ZNF541: variants seen among roughly 807,000 people sequenced by gnomAD.
ZNF541 encodes zinc finger protein 541.
In ZNF541, 23 loss-of-function variants were observed where a neutral mutation model predicts 123.5. That is an observed-to-expected ratio of 0.19 (90% CI 0.13 to 0.26). The LOEUF (loss-of-function observed/expected upper bound fraction) is 0.26, where lower values mean the gene tolerates loss of function less well. Ranked by LOEUF, ZNF541 falls within the 10% of genes least tolerant of loss-of-function variation. The pLI is 1.00. For missense variants in ZNF541, 1,612 were observed against 1,789.9 expected (o/e 0.90, Z 1.79); for synonymous variants, 751 against 754.5 (o/e 1.00, Z 0.08).
intron 2 of ZNF541, among the ~76,000 whole-genome samples, chr19:47,559,299 G>T (rs1970965823): frequency 6.6e-6 from 1 of 151,824 alleles, no homozygotes; most frequent in Non-Finnish European, 1.5e-5. Context: ...TTGAACCCGG[G>T]AAGCAGAGGT....
chr19:47,545,333 C>T lies in ZNF541; in HGVS notation c.1196G>A (p.Gly399Asp). ...SVPACLPLFR[G>D]QTVPASSQPS... ...CTGGGAACTGGCAGGGACCGTCTGG[C>T]CTCGGAAGAGAGGCAGGCAGGCAGG... The change falls in exon 5 of 17, where the codon GGC (glycine) becomes GAC (aspartate). Residue 399 changes from glycine (G) to aspartate (D), a missense_variant. Physicochemically the swap from Gly to Asp is moderately conservative, Grantham distance 94. Transcript: ENST00000391901. The surrounding 1 kb of genome is among the most constrained non-coding windows in gnomAD (Gnocchi z 7.5). The T allele has an allele frequency of 1.9e-6, 3 of 1,547,310 alleles. No individual in the cohort carries two copies. Among genetic ancestry groups the T allele is most frequent in the Non-Finnish European group, 2.6e-6 (3 of 1,145,686 alleles).
At chr19:47,543,541 C>T (rs1050538451) in intron 5 of ZNF541, among the ~76,000 whole-genome samples, 2 of 150,464 alleles carry the variant, frequency 1.3e-5, no homozygotes, top group Admixed American at 6.6e-5. Context: ...TCTGAAGATT[C>T]TAAAAAGGCA....
chr19:47,528,774 G>A (rs560415874), intron 14 of ZNF541, among the ~76,000 whole-genome samples, 176 bp downstream of exon 14: 1 of 152,264 alleles, frequency 6.6e-6, no homozygotes, highest in African/African-American at 2.4e-5. Flanking sequence ...ATGCAGGTCT[G>A]TACCATCTGG....
Position 47,540,897 on chromosome 19 carries a change from T to C in ZNF541, c.2458A>G (p.Arg820Gly). Residue 820 changes from arginine (R) to glycine (G), a missense_variant, in exon 6 of 17, where the codon AGA becomes GGA. By Grantham distance (125) the Arg-to-Gly change is moderately radical (BLOSUM62 -2). Around this residue, in one of 5 missense-constraint regions of ZNF541, gnomAD observed 1,080 missense variants for 1,013.8 expected, o/e 1.07. Transcript: ENST00000391901. ...HPVKEENVAG[R>G]GNQQNGSPTD... is the part of the protein sequence containing the mutation. Reference sequence around the variant, plus strand: ...ATCGGGGGCTTCTTAACTTACCCTCTGCCTGCCACATTCTCTTCCTTCACC... The same window carrying C: ...ATCGGGGGCTTCTTAACTTACCCTCCGCCTGCCACATTCTCTTCCTTCACC... The C allele has an allele frequency of 6.4e-7, 1 of 1,551,238 alleles. No homozygotes were observed. The highest frequency in any genetic ancestry group is 2.4e-5 in the East Asian group (1 of 40,916).
intron 14 of ZNF541, among the ~76,000 whole-genome samples, chr19:47,523,919 C>T (rs1969166031): frequency 6.6e-6 from 1 of 152,162 alleles, no homozygotes; most frequent in Non-Finnish European, 1.5e-5. Flanking sequence ...GACTGCCCAG[C>T]ACATGCATGG....
At chr19:47,567,539 C>T (rs183843444) in intron 2 of ZNF541, among the ~76,000 whole-genome samples, 5 of 152,360 alleles carry the variant, frequency 3.3e-5, no homozygotes, top group African/African-American at 9.6e-5. Context: ...GGATTACAGG[C>T]GTGCGCCACC....
intron 5 of ZNF541, among the ~76,000 whole-genome samples, chr19:47,543,467 A>G (rs1970168974): frequency 1.3e-5 from 2 of 152,102 alleles, no homozygotes; most frequent in African/African-American, 4.8e-5. Flanking sequence ...ACTCACAATC[A>G]GAAAACACAT....
chr19:47,545,370 C>T lies in ZNF541; in HGVS notation c.1159G>A (p.Gly387Ser), dbSNP rs910267663. ...GGCAGGCAGGCAGGCACGGAGCCGC[C>T]TTCGGGCCAGCACTCCGCGGTGGAC... Reference protein sequence around the residue: ...ARSTAECWPEGGSVPACLPLF... With the variant: ...ARSTAECWPESGSVPACLPLF... The change falls in exon 5 of 17, where the codon GGC (glycine) becomes AGC (serine). Residue 387 changes from glycine to serine, a missense_variant. Coordinates refer to ENST00000391901, the MANE Select transcript of ZNF541 (RefSeq NM_001277075.3). The surrounding 1 kb of genome is among the most constrained non-coding windows in gnomAD (Gnocchi z 7.5). The T allele has an allele frequency of 6.2e-5, 96 of 1,538,004 alleles. No homozygotes were observed. The highest frequency in any genetic ancestry group is 7.8e-5 in the Non-Finnish European group (89 of 1,140,308).
rs1177745973 is a variant in ZNF541 at position 47,549,446 on chromosome 19, T to G, written c.347A>C (p.Glu116Ala). The G allele has an allele frequency of 6.4e-7, 1 of 1,551,550 alleles. No individual in the cohort carries two copies. The highest frequency in any genetic ancestry group is 8.7e-7 in the Non-Finnish European group (1 of 1,146,988). The change falls in exon 4 of 17, where the codon GAA becomes GCA. Residue 116 changes from glutamate to alanine, a missense_variant. This residue lies in a region of ZNF541 where 212 missense variants were observed against 289.6 expected (regional missense o/e 0.73). Coordinates refer to ENST00000391901, the MANE Select transcript of ZNF541 (RefSeq NM_001277075.3). ...ACTCCCCGAGGTGGCCCTTCCTCCT[T>G]CGTCAGCCTCTTTAGCCTTAAGCAC... ...LGVLKAKEAD[E>A]GGRATSGSAR...
rs922450860 is a variant in ZNF541, at chr19:47,573,119, G to T, written c.-282C>A. Among the ~76,000 whole-genome samples, 3 of 149,750 alleles carry T rather than the reference G, an allele frequency of 2.0e-5. No homozygotes were observed. Among genetic ancestry groups the T allele is most frequent in the Non-Finnish European group, 3.0e-5 (2 of 67,234 alleles). ...GGCTCGCGCGCCGGGCCTCGCGCCT[G>T]GCGCCTCGCGGGGCTCCCAGCGGCC... On this transcript the variant is annotated 5_prime_UTR_variant, in exon 1 of 17. Coordinates refer to ENST00000391901, the MANE Select transcript of ZNF541 (RefSeq NM_001277075.3).
At chr19:47,528,057 G>A (rs1969384777) in intron 14 of ZNF541, among the ~76,000 whole-genome samples, 1 of 130,476 alleles carries the variant, frequency 7.7e-6, no homozygotes, top group Admixed American at 7.8e-5. Flanking sequence ...GCTCACGCCT[G>A]TAATCCCAGC....
chr19:47,533,545 T>TA (rs1018652814), intron 9 of ZNF541, among the ~76,000 whole-genome samples: 1 of 151,528 alleles, frequency 6.6e-6, no homozygotes, highest in Non-Finnish European at 1.5e-5. Flanking sequence ...AAATATTCAT[T>TA]AAAAAAAATC....
At chr19:47,558,874 A>G (rs1158112440) in intron 2 of ZNF541, among the ~76,000 whole-genome samples, 1 of 151,646 alleles carries the variant, frequency 6.6e-6, no homozygotes, top group Non-Finnish European at 1.5e-5. Context: ...CCTCCCGAGT[A>G]GCTGGGACTA....
At chr19:47,554,241 G>A (rs1970722008) in intron 3 of ZNF541, among the ~76,000 whole-genome samples, 1 of 152,100 alleles carries the variant, frequency 6.6e-6, no homozygotes, top group Non-Finnish European at 1.5e-5. Flanking sequence ...GACCAGACTG[G>A]GAAACATAGT....
At chr19:47,526,481 C>CAAAAAA (rs71180847) in intron 14 of ZNF541, among the ~76,000 whole-genome samples, 9 of 34,876 alleles carry the variant, frequency 2.6e-4, no homozygotes, top group African/African-American at 5.6e-4. Flanking sequence ...GACTCCATCT[C>CAAAAAA]AAAAAAAAAA....
In ZNF541 at chr19:47,539,898, G is replaced by T; in HGVS notation, c.2623-20C>A. The T allele has an allele frequency of 6.6e-7, 1 of 1,520,710 alleles. No homozygotes were observed. The highest frequency in any genetic ancestry group is 8.8e-7 in the Non-Finnish European group (1 of 1,139,788). The allele number at this position is 1,520,710 out of a possible 1,614,324, so 94.2% of individuals were successfully genotyped here. On this transcript the variant is annotated intron_variant, in intron 7 of 16. Transcript: ENST00000391901. ...AAACACCTAAACACAGAAGAGAAGAGATGGCTCTTTAAGAGATAAGGTAGG... is the reference window on the plus strand; with the variant it reads ...AAACACCTAAACACAGAAGAGAAGATATGGCTCTTTAAGAGATAAGGTAGG...
At chr19:47,537,001 T>C (rs1046130311) in intron 9 of ZNF541, among the ~76,000 whole-genome samples, 1 of 152,146 alleles carries the variant, frequency 6.6e-6, no homozygotes, top group African/African-American at 2.4e-5. Flanking sequence ...ATTGTATGAT[T>C]CTACTTACAT....
intron 11 of ZNF541, 101 bp downstream of exon 11, chr19:47,532,027 T>G: frequency 1.4e-6 from 2 of 1,459,994 alleles, no homozygotes; most frequent in Non-Finnish European, 1.8e-6. Flanking sequence ...GGACACTACT[T>G]GGATCTAGCG....
chr19:47,571,929 G>A lies in ZNF541; in HGVS notation c.-132C>T, dbSNP rs1971491270. On this transcript the variant is annotated 5_prime_UTR_variant, in exon 2 of 17. Transcript: ENST00000391901. ...CAAGTTAGTGAATCTCCAGGGAACAGGAGGACCCAGTTTAGGCCCCACAGG... is the reference window on the plus strand; with the variant it reads ...CAAGTTAGTGAATCTCCAGGGAACAAGAGGACCCAGTTTAGGCCCCACAGG... Among the ~76,000 whole-genome samples the A allele has an allele frequency of 2.0e-5, 3 of 152,216 alleles. No individual in the cohort carries two copies. Among genetic ancestry groups the A allele is most frequent in the Non-Finnish European group, 2.9e-5 (2 of 68,048 alleles).
Sources: allele counts gnomAD v4.1 joint callset (sites outside exome capture counted in the v4.1 genomes callset), GRCh38; gene constraint gnomAD v4.1.1; regional missense constraint gnomAD v4.1.1; non-coding constraint Gnocchi (gnomAD v3.1); transcripts MANE v1.5; gene names NCBI Gene and HGNC (gene_info 2026-07-23, HGNC 2026-07-21).